Variants in RORA observed in about 807,000 individuals in gnomAD.
RORA encodes nuclear receptor ROR-alpha.
In RORA, 7 loss-of-function variants were observed where a neutral mutation model predicts 69.5. The observed-to-expected ratio is 0.10, with a 90% confidence interval of 0.06 to 0.19. RORA has a LOEUF of 0.19. Ranked by LOEUF, RORA falls within the 10% of genes least tolerant of loss-of-function variation. The pLI is 1.00. For missense variants in RORA, 457 were observed against 663.0 expected, an observed-to-expected ratio of 0.69 and a Z score of 3.41; for synonymous variants, 261 against 240.8, an observed-to-expected ratio of 1.08 and a Z score of -0.78.
Position 61,213,907 on chromosome 15 carries a change from G to C in RORA, c.166+15146C>G, listed in dbSNP as rs2080015165. 6.6e-6 allele frequency: 1 copy of C among 152,120 alleles called. No individual in the cohort carries two copies. The highest frequency in any genetic ancestry group is 6.6e-5 in the Admixed American group (1 of 15,262). 9.4% of individuals were successfully genotyped at this position (152,120 alleles called of 1,614,324 possible). On this transcript the variant is annotated intron_variant, in intron 1 of 10. Coordinates refer to ENST00000335670, the MANE Select transcript of RORA (RefSeq NM_134261.3). The surrounding 1 kb of genome is among the most constrained non-coding windows in gnomAD (Gnocchi z 4.1). Reference sequence around the variant, plus strand: ...GCCCTTAAACATTTGAAACTTTCGAGGAATAGATTTTCTTGCTTCATCCCA... The same window carrying C: ...GCCCTTAAACATTTGAAACTTTCGACGAATAGATTTTCTTGCTTCATCCCA...
intron 1 of RORA, among the ~76,000 whole-genome samples, chr15:61,033,120 T>C (rs1263888223): frequency 6.6e-6 from 1 of 152,108 alleles, no homozygotes; most frequent in African/African-American, 2.4e-5. Context: ...AAGTCCACGC[T>C]CTCTTGGCTA....
At chr15:60,968,012 A>G (rs1475128780) in intron 1 of RORA, among the ~76,000 whole-genome samples, 2 of 152,236 alleles carry the variant, frequency 1.3e-5, no homozygotes, top group African/African-American at 4.8e-5. Flanking sequence ...AAAATGTGGC[A>G]CAGGGGAAAC....
intron 1 of RORA, among the ~76,000 whole-genome samples, chr15:61,019,951 G>A (rs1007909417): frequency 1.1e-4 from 16 of 152,038 alleles, no homozygotes; most frequent in African/African-American, 3.6e-4. Context: ...TCTGACCTCC[G>A]CTCTTCTCTC....
At chr15:60,802,654 C>T (rs2072602072) in intron 1 of RORA, among the ~76,000 whole-genome samples, 1 of 152,042 alleles carries the variant, frequency 6.6e-6, no homozygotes, top group South Asian at 2.1e-4. Flanking sequence ...ATGTCACGAG[C>T]CTGGTGGCTT....
intron 2 of RORA, among the ~76,000 whole-genome samples, chr15:60,568,037 G>A (rs1442312315): frequency 6.6e-6 from 1 of 152,134 alleles, no homozygotes; most frequent in Non-Finnish European, 1.5e-5. Flanking sequence ...GATGCTAATA[G>A]CACTCTCGAA....
chr15:61,204,675 G>C (rs946651833), intron 1 of RORA, among the ~76,000 whole-genome samples: 1 of 152,238 alleles, frequency 6.6e-6, no homozygotes, highest in African/African-American at 2.4e-5. Context: ...TTTGGTCCCA[G>C]TGTCCATGTC....
chr15:60,696,238 T>C (rs1409974552), intron 1 of RORA, among the ~76,000 whole-genome samples: 1 of 152,182 alleles, frequency 6.6e-6, no homozygotes, highest in East Asian at 1.9e-4. Flanking sequence ...TCATTTAACC[T>C]GCACTCCAAG....
chr15:60,784,855 G>T (rs966313333), intron 1 of RORA, among the ~76,000 whole-genome samples: 1 of 152,130 alleles, frequency 6.6e-6, no homozygotes, highest in Non-Finnish European at 1.5e-5. Context: ...TGTGTGAAGG[G>T]TCATGTGAAA....
chr15:60,783,974 G>A (rs893614149), intron 1 of RORA, among the ~76,000 whole-genome samples: 2 of 152,196 alleles, frequency 1.3e-5, no homozygotes, highest in South Asian at 2.1e-4. Context: ...AATGATTTCT[G>A]GTCAAACCTA....
intron 1 of RORA, among the ~76,000 whole-genome samples, chr15:60,815,853 T>C (rs2072802795): frequency 6.9e-6 from 1 of 145,738 alleles, no homozygotes; most frequent in Admixed American, 7.1e-5. Flanking sequence ...ACTATTTATA[T>C]ACTATAAACT....
At chr15:60,516,225 ATATATATATTTATATATATATATTT>A (rs1567052679) in intron 3 of RORA, among the ~76,000 whole-genome samples, 4 of 57,350 alleles carry the variant, frequency 7.0e-5, no homozygotes, top group African/African-American at 4.7e-4. Context: ...ATATATATTT[ATATATATATTTATATATATATATTT>A]ATATATATAT....
intron 1 of RORA, among the ~76,000 whole-genome samples, chr15:61,197,839 G>C (rs1425558551): frequency 1.3e-5 from 2 of 152,168 alleles, no homozygotes; most frequent in Admixed American, 1.3e-4. Flanking sequence ...AATGCCTTAG[G>C]GAGAGGGTAT....
chr15:60,794,327 A>G (rs1438963831), intron 1 of RORA, among the ~76,000 whole-genome samples: 2 of 152,184 alleles, frequency 1.3e-5, no homozygotes, highest in African/African-American at 4.8e-5. Flanking sequence ...CCTCCTGCAC[A>G]CATATTCCAT....
intron 1 of RORA, among the ~76,000 whole-genome samples, chr15:60,850,294 T>A (rs1042651589): frequency 6.6e-6 from 1 of 152,108 alleles, no homozygotes; most frequent in Non-Finnish European, 1.5e-5. Context: ...AAAGTATACC[T>A]CCCTGAAATT....
chr15:60,881,302 C>T (rs2073677491), intron 1 of RORA, among the ~76,000 whole-genome samples: 1 of 152,252 alleles, frequency 6.6e-6, no homozygotes, highest in African/African-American at 2.4e-5. Flanking sequence ...TCCAGCCCCA[C>T]TAGAGAGAGA....
intron 1 of RORA, among the ~76,000 whole-genome samples, chr15:60,921,335 C>G (rs892832634): frequency 2.2e-4 from 33 of 152,182 alleles, no homozygotes; most frequent in African/African-American, 8.0e-4. Context: ...CCGTGGAACA[C>G]TACATAGCAA....
chr15:60,901,796 T>C (rs1218181769), intron 1 of RORA, among the ~76,000 whole-genome samples: 1 of 152,214 alleles, frequency 6.6e-6, no homozygotes, highest in Non-Finnish European at 1.5e-5. Context: ...TGTTTTATAA[T>C]ACAGCAACTG....
intron 1 of RORA, among the ~76,000 whole-genome samples, chr15:60,842,363 C>T (rs578239145): frequency 1.1e-4 from 17 of 152,322 alleles, no homozygotes; most frequent in African/African-American, 4.1e-4. Flanking sequence ...GAAACTTCTA[C>T]ATCTTGACCC....
At chr15:61,059,988 G>GGAAGAAGAAGAA (rs71122901) in intron 1 of RORA, among the ~76,000 whole-genome samples, 3,901 of 85,710 alleles carry the variant, frequency 0.046, 215 homozygotes, top group Non-Finnish European at 0.056. Context: ...AAGAGGAAGA[G>GGAAGAAGAAGAA]GAAGAAGAAG....
Sources: allele counts gnomAD v4.1 joint callset (sites outside exome capture counted in the v4.1 genomes callset), GRCh38; gene constraint gnomAD v4.1.1; non-coding constraint Gnocchi (gnomAD v3.1); transcripts MANE v1.5; gene names NCBI Gene and HGNC (gene_info 2026-07-23, HGNC 2026-07-21).